ZNF222: variants seen among roughly 807,000 people sequenced by gnomAD.
ZNF222 encodes the protein zinc finger protein 222.
Under a neutral mutation model 11.6 loss-of-function variants are expected in ZNF222, and 8 were observed. The ratio of observed to expected loss-of-function variants is 0.69; its 90% CI spans 0.41 to 1.25. The LOEUF is 1.25. Among genes scored for constraint, ZNF222 ranks in the 50% most tolerant of loss-of-function variants. ZNF222 has a pLI of 0.01. For synonymous variants in ZNF222, 171 were observed against 195.6 expected (o/e 0.87, Z 1.05); for missense variants, 483 against 576.1 (o/e 0.84, Z 1.65).
chr19:44,028,241 T>C (rs1172347505), intron 3 of ZNF222: 1 of 398,750 alleles, frequency 2.5e-6, no homozygotes, highest in Admixed American at 4.4e-5. Flanking sequence ...TCCTGGATGA[T>C]TCAGGATGAC....
In ZNF222 at chr19:44,032,073, T is replaced by G; in HGVS notation, c.519T>G (p.Asp173Glu). Residue 173 changes from aspartate (D) to glutamate (E), a missense_variant, in exon 4 of 4, where the codon GAT (aspartate) becomes GAG (glutamate). Physicochemically the swap from Asp to Glu is conservative, Grantham distance 45 (BLOSUM62 2). Coordinates refer to ENST00000391960, the MANE Select transcript of ZNF222 (RefSeq NM_001129996.2). ...TCTTCAGTGATGTTTCCTTCTTTGA[T>G]CTTCCTCAGCAGTTATATTCAGGAG... The part of the protein sequence containing the change: ...KQFFSDVSFF[D>E]LPQQLYSGEK... 1 of 1,614,264 alleles carries G rather than the reference T, an allele frequency of 6.2e-7. No individual in the cohort carries two copies. Among genetic ancestry groups the G allele is most frequent in the Non-Finnish European group, 8.5e-7 (1 of 1,180,042 alleles).
chr19:44,030,600 A>T (rs569420749), intron 3 of ZNF222, among the ~76,000 whole-genome samples: 1 of 152,374 alleles, frequency 6.6e-6, no homozygotes, highest in Admixed American at 6.5e-5. Flanking sequence ...GACAGAGTCC[A>T]GGGAAGTACC....
rs1006654151 is a variant in ZNF222 at position 44,033,076 on chromosome 19, G to A, written c.*46G>A. ...GTGAAATTTGATACATGTATATAAT[G>A]TGTGCTGATTAAATCAGTTTAATTT... On this transcript the variant is annotated 3_prime_UTR_variant, in exon 4 of 4. Transcript: ENST00000391960. 5 of 1,420,140 alleles carry A rather than the reference G, an allele frequency of 3.5e-6. No homozygotes were observed. Among genetic ancestry groups the A allele is most frequent in the South Asian group, 1.6e-5 (1 of 63,190 alleles). 88.0% of individuals were successfully genotyped at this position (1,420,140 alleles called of 1,614,324 possible).
chr19:44,026,546 A>C lies in ZNF222; in HGVS notation c.43-477A>C, dbSNP rs563220252. Among the ~76,000 whole-genome samples, 610 of 129,342 alleles carry C rather than the reference A, an allele frequency of 4.7e-3. 1 individual carries two copies. The highest frequency in any genetic ancestry group is 7.3e-3 in the African/African-American group (182 of 25,086). 84.9% of individuals were successfully genotyped at this position (129,342 alleles called of 152,430 possible). A position where few individuals can be genotyped will look rare whatever the true frequency, so the allele number is the denominator to read the frequency against. On this transcript the variant is annotated intron_variant, in intron 1 of 3. Transcript: ENST00000391960. ...ATTTTCTTTCTCTCTCTCTCTCTAT[A>C]TATATATATATTTTTTTTTTTACAG...
rs759187821 is a variant in ZNF222 at position 44,032,080 on chromosome 19, C to T, written c.526C>T (p.Gln176Ter). Residue 176 changes from glutamine (Q) to a stop codon, truncating the protein, a stop_gained, in exon 4 of 4, where the codon CAG becomes TAG. Transcript: ENST00000391960. LOFTEE classifies it low-confidence loss of function (END_TRUNC). ...FSDVSFFDLPQQLYSGEKSHT... is the reference protein window; with the variant it reads ...FSDVSFFDLP ...TGATGTTTCCTTCTTTGATCTTCCTCAGCAGTTATATTCAGGAGAGAAGTC... is the reference window on the plus strand; with the variant it reads ...TGATGTTTCCTTCTTTGATCTTCCTTAGCAGTTATATTCAGGAGAGAAGTC... 6.2e-7 allele frequency: 1 copy of T among 1,614,200 alleles called. No individual in the cohort carries two copies. The highest frequency in any genetic ancestry group is 8.5e-7 in the Non-Finnish European group (1 of 1,180,030).
At chr19:44,026,102 C>CT (rs1272950684) in intron 1 of ZNF222, 5 of 1,612,974 alleles carry the variant, frequency 3.1e-6, no homozygotes, top group Middle Eastern at 1.7e-4. Context: ...TGATCCTTGG[C>CT]TTTTTTTCTT....
chr19:44,026,765 A>T (rs1976381347), intron 1 of ZNF222, among the ~76,000 whole-genome samples: 2 of 152,104 alleles, frequency 1.3e-5, no homozygotes, highest in South Asian at 4.1e-4. Flanking sequence ...TAGAGATAGC[A>T]TCTCAGTAAA....
At chr19:44,029,077 A>AT (rs541496932) in intron 3 of ZNF222, among the ~76,000 whole-genome samples, 1 of 149,152 alleles carries the variant, frequency 6.7e-6, no homozygotes, top group Non-Finnish European at 1.5e-5. Flanking sequence ...ACTCTGTGGA[A>AT]TTTTTTTTTT....
In ZNF222 at chr19:44,029,265, A is replaced by G. The variant is rs79487357; in HGVS notation, c.262+1775A>G. 5.6e-3 allele frequency among the ~76,000 whole-genome samples: 739 copies of G among 132,562 alleles called. 10 individuals carry two copies. Among genetic ancestry groups the G allele is most frequent in the African/African-American group, 0.021 (691 of 32,950 alleles). 87.0% of individuals were successfully genotyped at this position (132,562 alleles called of 152,430 possible). On this transcript the variant is annotated intron_variant, in intron 3 of 3. Coordinates refer to ENST00000391960, the MANE Select transcript of ZNF222 (RefSeq NM_001129996.2). ...TTTGACTTTCTTAGGTTCTCTTGAC[A>G]TGGTTGGTTTTCTGTGTGTGCAGTT...
At position 44,032,357 on chromosome 19, in the gene ZNF222, C is replaced by T. The variant is rs1976524314; in HGVS notation, c.803C>T (p.Pro268Leu). The T allele has an allele frequency of 6.2e-7, 1 of 1,614,116 alleles. No homozygotes were observed. The highest frequency in any genetic ancestry group is 1.1e-5 in the South Asian group (1 of 91,076). ...VHCKLHMREK[P>L]YNCEKCGKAF... ...TGCAAATTACACATGAGAGAGAAAC[C>T]TTATAATTGTGAGAAATGTGGGAAG... Residue 268 changes from proline (P) to leucine (L), a missense_variant, in exon 4 of 4, where the codon CCT becomes CTT. Physicochemically the swap from Pro to Leu is moderately conservative, Grantham distance 98. Transcript: ENST00000391960.
chr19:44,025,575 G>C lies in ZNF222; in HGVS notation c.42+97G>C. 1 of 1,308,918 alleles carries C rather than the reference G, an allele frequency of 7.6e-7. No homozygotes were observed. The allele number at this position is 1,308,918 out of a possible 1,614,324, so 81.1% of individuals were successfully genotyped here. A position where few individuals can be genotyped will look rare whatever the true frequency, so the allele number is the denominator to read the frequency against. Reference sequence around the variant, plus strand: ...GGTCTCAGGGAGTGGGATTGGCGCGGCCCGGTGTGCCCTACTTTGACCTCG... The same window carrying C: ...GGTCTCAGGGAGTGGGATTGGCGCGCCCCGGTGTGCCCTACTTTGACCTCG... On this transcript the variant is annotated intron_variant, in intron 1 of 3. Coordinates refer to ENST00000391960, the MANE Select transcript of ZNF222 (RefSeq NM_001129996.2). This position sits in a 1 kb window ranked among gnomAD's most constrained non-coding sequence, Gnocchi z 4.6.
chr19:44,029,501 G>A (rs1053527977), intron 3 of ZNF222, among the ~76,000 whole-genome samples: 11 of 151,926 alleles, frequency 7.2e-5, no homozygotes, highest in African/African-American at 2.4e-4. Context: ...AAATTTAATT[G>A]TCAAAAATGT....
rs1599857127 is a variant in ZNF222, at chr19:44,025,573, C to T, written c.42+95C>T. The stretch of plus-strand genomic sequence containing the variant: ...AGGGTCTCAGGGAGTGGGATTGGCG[C>T]GGCCCGGTGTGCCCTACTTTGACCT... On this transcript the variant is annotated intron_variant, in intron 1 of 3. Coordinates refer to ENST00000391960, the MANE Select transcript of ZNF222 (RefSeq NM_001129996.2). The surrounding 1 kb of genome is among the most constrained non-coding windows in gnomAD (Gnocchi z 4.6). The T allele has an allele frequency of 5.1e-6, 7 of 1,363,298 alleles. No homozygotes were observed. In the East Asian group the frequency reaches 1.5e-4, roughly 29 times the overall value. 84.5% of individuals were successfully genotyped at this position (1,363,298 alleles called of 1,614,324 possible). A position where few individuals can be genotyped will look rare whatever the true frequency, so the allele number is the denominator to read the frequency against.
chr19:44,025,935 T>C lies in ZNF222; in HGVS notation c.42+457T>C. 1 of 1,343,896 alleles carries C rather than the reference T, an allele frequency of 7.4e-7. No individual in the cohort carries two copies. The highest frequency in any genetic ancestry group is 1.0e-6 in the Non-Finnish European group (1 of 972,334). 83.2% of individuals were successfully genotyped at this position (1,343,896 alleles called of 1,614,324 possible). A position where few individuals can be genotyped will look rare whatever the true frequency, so the allele number is the denominator to read the frequency against. On this transcript the variant is annotated intron_variant, in intron 1 of 3. Transcript: ENST00000391960. This position sits in a 1 kb window ranked among gnomAD's most constrained non-coding sequence, Gnocchi z 4.6. ...ACGCTGGATGATCCCTGACGCCTTC[T>C]GACCTCTTTTTAGGAAAGTGAGGGG...
At chr19:44,027,989 G>GGGCAAAAATCAAGTGGTCT (rs1166895811) in intron 3 of ZNF222, among the ~76,000 whole-genome samples, 1 of 152,132 alleles carries the variant, frequency 6.6e-6, no homozygotes, top group Non-Finnish European at 1.5e-5. Flanking sequence ...ACATCTCACT[G>GGGCAAAAATCAAGTGGTCT]GGCAAAAATC....
At chr19:44,030,246 C>G (rs897452635) in intron 3 of ZNF222, among the ~76,000 whole-genome samples, 4 of 152,140 alleles carry the variant, frequency 2.6e-5, no homozygotes, top group Non-Finnish European at 4.4e-5. Context: ...AACCAAGTTA[C>G]TTACTATCCA....
In ZNF222 at chr19:44,031,911, C is replaced by CT; in HGVS notation, c.359dup (p.Leu120PhefsTer11). 1 of 1,614,222 alleles carries CT rather than the reference C, an allele frequency of 6.2e-7. No homozygotes were observed. Among genetic ancestry groups the CT allele is most frequent in the Non-Finnish European group, 8.5e-7 (1 of 1,180,040 alleles). On this transcript the variant is annotated frameshift_variant, in exon 4 of 4. Transcript: ENST00000391960. LOFTEE classifies it low-confidence loss of function (END_TRUNC). ...AAATTTGGGAACAAATTGCAAGTGACTTAACCAGGTCTCAAGATACCACCA... is the reference window on the plus strand; with the variant it reads ...AAATTTGGGAACAAATTGCAAGTGACTTTAACCAGGTCTCAAGATACCACCA...
In ZNF222 at chr19:44,032,147, C is replaced by G. The variant is rs1449996702; in HGVS notation, c.593C>G (p.Ser198Ter). 6.2e-7 allele frequency: 1 copy of G among 1,614,222 alleles called. No homozygotes were observed. Among genetic ancestry groups the G allele is most frequent in the East Asian group, 2.2e-5 (1 of 44,882 alleles). The change falls in exon 4 of 4, where the codon TCA becomes TGA. Residue 198 changes from serine to a stop codon, truncating the protein, a stop_gained. Transcript: ENST00000391960. LOFTEE classifies it low-confidence loss of function (END_TRUNC). ...DECGKSFCYI[S>*]ALHIHQRVHM... ...TGTGGAAAAAGCTTCTGTTACATCT[C>G]AGCCCTTCATATTCATCAGAGGGTC...
Position 44,033,053 on chromosome 19 carries a change from G to T in ZNF222, c.*23G>T. ...TAAGTTATACATATTTATGGAGTGT[G>T]AAATTTGATACATGTATATAATGTG... is the stretch of plus-strand genomic sequence containing the variant. On this transcript the variant is annotated 3_prime_UTR_variant, in exon 4 of 4. Transcript: ENST00000391960. The T allele has an allele frequency of 6.8e-7, 1 of 1,470,356 alleles. No homozygotes were observed. The highest frequency in any genetic ancestry group is 9.0e-7 in the Non-Finnish European group (1 of 1,109,256). The allele number at this position is 1,470,356 out of a possible 1,614,324, so 91.1% of individuals were successfully genotyped here.
Sources: allele counts gnomAD v4.1 joint callset (sites outside exome capture counted in the v4.1 genomes callset), GRCh38; gene constraint gnomAD v4.1.1; non-coding constraint Gnocchi (gnomAD v3.1); transcripts MANE v1.5; gene names NCBI Gene and HGNC (gene_info 2026-07-23, HGNC 2026-07-21).